The following LARGE1 variants were observed in gnomAD, a reference collection of about 807,000 sequenced individuals.
The protein encoded by LARGE1 is LARGE xylosyl- and glucuronyltransferase 1.
A neutral mutation model predicts 87.6 loss-of-function variants in LARGE1; 43 were observed. That is an observed-to-expected ratio of 0.49 (90% CI 0.38 to 0.63). The LOEUF (loss-of-function observed/expected upper bound fraction) is 0.63, where lower values mean the gene tolerates loss of function less well. Among genes scored for constraint, LARGE1 ranks in the 30% least tolerant of loss-of-function variants. LARGE1 has a pLI of 0.00. For synonymous variants in LARGE1, 434 were observed against 394.6 expected, an observed-to-expected ratio of 1.10 and a Z score of -1.18; for missense variants, 802 against 1,000.2, an observed-to-expected ratio of 0.80 and a Z score of 2.67.
At chr22:33,116,645 G>C in the LARGE1 span, among the ~76,000 whole-genome samples, 1 of 152,158 alleles carries the variant, frequency 6.6e-6, no homozygotes, top group East Asian at 1.9e-4. Flanking sequence ...TTACAGGCGT[G>C]AGCCACCGCG....
At chr22:33,264,889 C>CTTTTTTTTTTT (rs200074908) in intron 11 of LARGE1, among the ~76,000 whole-genome samples, 2 of 74,374 alleles carry the variant, frequency 2.7e-5, no homozygotes, top group Admixed American at 2.2e-4. Context: ...TGATCAAATT[C>CTTTTTTTTTTT]TTTTTTTTTT....
At chr22:33,364,246 A>G (rs1468900782) in intron 9 of LARGE1, among the ~76,000 whole-genome samples, 1 of 151,886 alleles carries the variant, frequency 6.6e-6, no homozygotes, top group African/African-American at 2.4e-5. Context: ...TTTAGTAGAG[A>G]CGGGGTTTCA....
chr22:33,577,831 T>G (rs1256408744), intron 5 of LARGE1, among the ~76,000 whole-genome samples: 2 of 152,200 alleles, frequency 1.3e-5, no homozygotes, highest in Non-Finnish European at 2.9e-5. Flanking sequence ...TAATTTCTGA[T>G]TGGTTTAAAA....
Position 33,761,542 on chromosome 22 carries a change from C to T in LARGE1, c.-66G>A. 8.0e-7 allele frequency: 1 copy of T among 1,249,370 alleles called. No individual in the cohort carries two copies. The highest frequency in any genetic ancestry group is 1.5e-5 in the African/African-American group (1 of 68,236). 77.4% of individuals were successfully genotyped at this position (1,249,370 alleles called of 1,614,324 possible). Reference sequence around the variant, plus strand: ...CTGTCCGGAGCATGAAGTCCTCGGCCTCCCTCATAATACTCTCTGAAAGGA... The same window carrying T: ...CTGTCCGGAGCATGAAGTCCTCGGCTTCCCTCATAATACTCTCTGAAAGGA... On this transcript the variant is annotated 5_prime_UTR_variant, in exon 2 of 15. Coordinates refer to ENST00000397394, the MANE Select transcript of LARGE1 (RefSeq NM_133642.5).
intron 9 of LARGE1, among the ~76,000 whole-genome samples, chr22:33,367,129 T>C (rs2064625769): frequency 6.6e-6 from 1 of 152,200 alleles, no homozygotes; most frequent in Admixed American, 6.5e-5. Context: ...TCTATTTTTT[T>C]TTTCAATTCT....
intron 4 of LARGE1, among the ~76,000 whole-genome samples, chr22:33,612,730 C>A (rs2079474429): frequency 6.6e-6 from 1 of 152,166 alleles, no homozygotes; most frequent in Admixed American, 6.5e-5. Flanking sequence ...TGTGTGAGTT[C>A]CTAGGAACTG....
chr22:33,211,664 T>C (rs561276590), intron 11 of LARGE1, among the ~76,000 whole-genome samples: 1 of 152,144 alleles, frequency 6.6e-6, no homozygotes, highest in African/African-American at 2.4e-5. Context: ...TCCCAGCTAC[T>C]CGGGAGGCTG....
intron 6 of LARGE1, among the ~76,000 whole-genome samples, chr22:33,471,029 CT>C (rs372332553): frequency 0.022 from 2,874 of 129,648 alleles, 77 homozygotes; most frequent in African/African-American, 0.075. Flanking sequence ...TCTTCTTCTT[CT>C]TTTTTTTTTT....
intron 3 of LARGE1, among the ~76,000 whole-genome samples, chr22:33,647,917 C>T (rs2080670338): frequency 6.6e-6 from 1 of 152,122 alleles, no homozygotes; most frequent in Non-Finnish European, 1.5e-5. Context: ...GCCACCACAT[C>T]CGGCTGATTT....
At chr22:33,606,546 T>C (rs2079270090) in intron 4 of LARGE1, among the ~76,000 whole-genome samples, 1 of 152,126 alleles carries the variant, frequency 6.6e-6, no homozygotes, top group East Asian at 1.9e-4. Context: ...ACCTGTCCTA[T>C]GTTCCAGACA....
chr22:33,388,577 A>G (rs1335939168), intron 7 of LARGE1, among the ~76,000 whole-genome samples: 1 of 151,612 alleles, frequency 6.6e-6, no homozygotes, highest in Non-Finnish European at 1.5e-5. Flanking sequence ...AAATTTTTTT[A>G]TTTTTTTAGA....
chr22:33,347,414 T>C (rs915978415), intron 9 of LARGE1, among the ~76,000 whole-genome samples: 1 of 152,222 alleles, frequency 6.6e-6, no homozygotes, highest in African/African-American at 2.4e-5. Flanking sequence ...ATCATGATGA[T>C]GACATTCTCA....
At chr22:33,102,373 A>G in the LARGE1 span, among the ~76,000 whole-genome samples, 1 of 151,596 alleles carries the variant, frequency 6.6e-6, no homozygotes, top group African/African-American at 2.4e-5. Flanking sequence ...AGGTTTCACC[A>G]TGTTGGCTAG....
At chr22:33,300,618 G>A (rs934910941) in intron 12 of LARGE1, among the ~76,000 whole-genome samples, 2 of 152,146 alleles carry the variant, frequency 1.3e-5, no homozygotes, top group African/African-American at 4.8e-5. Context: ...TCAGCTCACT[G>A]CAACCTCTGC....
intron 10 of LARGE1, among the ~76,000 whole-genome samples, chr22:33,319,406 T>C (rs1936496818): frequency 6.6e-6 from 1 of 151,858 alleles, no homozygotes; most frequent in South Asian, 2.1e-4. Context: ...ATACTACTTA[T>C]TTTTTTTGAG....
intron 1 of LARGE1, among the ~76,000 whole-genome samples, chr22:33,783,329 G>A (rs546711456): frequency 2.0e-5 from 3 of 152,290 alleles, no homozygotes; most frequent in Admixed American, 1.3e-4. Flanking sequence ...TGTTTGGGAG[G>A]CTGAGGCGGT....
At chr22:33,423,002 A>T (rs2066747927) in intron 7 of LARGE1, among the ~76,000 whole-genome samples, 1 of 122,406 alleles carries the variant, frequency 8.2e-6, no homozygotes, top group South Asian at 2.4e-4. Flanking sequence ...GATATTTTTT[A>T]AAACCATTTT....
chr22:33,759,470 C>A (rs760378836), intron 2 of LARGE1, among the ~76,000 whole-genome samples: 2 of 152,266 alleles, frequency 1.3e-5, no homozygotes, highest in South Asian at 2.1e-4. Flanking sequence ...TCATCCCCCC[C>A]ATCTGTAAAA....
intron 1 of LARGE1, among the ~76,000 whole-genome samples, chr22:33,859,155 G>A (rs1978035): frequency 0.35 from 52,616 of 151,772 alleles, 9,264 homozygotes; most frequent in South Asian, 0.48. Flanking sequence ...ATAACTGCAC[G>A]TTCTGCACAT....
Sources: allele counts gnomAD v4.1 joint callset (sites outside exome capture counted in the v4.1 genomes callset), GRCh38; gene constraint gnomAD v4.1.1; transcripts MANE v1.5; gene names NCBI Gene and HGNC (gene_info 2026-07-23, HGNC 2026-07-21).